CCDC171: variants seen among roughly 807,000 people sequenced by gnomAD.
CCDC171 encodes the protein coiled-coil domain containing 171.
A neutral mutation model predicts 168.2 loss-of-function variants in CCDC171; 177 were observed. The observed-to-expected ratio is 1.05, with a 90% CI of 0.93 to 1.19. The LOEUF (loss-of-function observed/expected upper bound fraction) is 1.19, where lower values mean the gene tolerates loss of function less well. Among genes scored for constraint, CCDC171 ranks in the 50% most tolerant of loss-of-function variants. The probability of loss-of-function intolerance (pLI) is 0.00; values close to 1 mark genes in which losing one functional copy is unlikely to be tolerated. For synonymous variants in CCDC171, 687 were observed against 540.8 expected (o/e 1.27, Z -3.75); for missense variants, 1,991 against 1,539.0 (o/e 1.29, Z -4.91).
At chr9:15,656,993 T>G (rs961986612) in intron 7 of CCDC171, 134 bp from the exon 8 acceptor site, 9 of 456,686 alleles carry the variant, frequency 2.0e-5, no homozygotes, top group Non-Finnish European at 3.6e-5. Context: ...TTACATTCCA[T>G]TCTTGCAAAG....
chr9:16,050,316 A>G (rs529546794), intron 1 of CCDC171, among the ~76,000 whole-genome samples: 1 of 152,388 alleles, frequency 6.6e-6, no homozygotes, highest in African/African-American at 2.4e-5. Context: ...AAAAGCATAA[A>G]TTGCTTAATT....
At chr9:15,857,350 T>G (rs2061383939) in intron 23 of CCDC171, among the ~76,000 whole-genome samples, 1 of 151,988 alleles carries the variant, frequency 6.6e-6, no homozygotes, top group South Asian at 2.1e-4. Context: ...CTAGGAAATT[T>G]ATAGTTGTAA....
chr9:15,613,560 G>C (rs2043862463), intron 6 of CCDC171, among the ~76,000 whole-genome samples: 2 of 136,902 alleles, frequency 1.5e-5, no homozygotes, highest in African/African-American at 2.8e-5. Flanking sequence ...GTCTCGCTCT[G>C]TCGCCAGGCT....
At chr9:15,556,937 C>G (rs549530013) in intron 1 of CCDC171, among the ~76,000 whole-genome samples, 1 of 152,218 alleles carries the variant, frequency 6.6e-6, no homozygotes, top group African/African-American at 2.4e-5. Context: ...AGGAAGGGTT[C>G]CAGTTTCAGC....
chr9:16,094,118 G>A, the CCDC171 span, among the ~76,000 whole-genome samples: 1 of 152,206 alleles, frequency 6.6e-6, no homozygotes, highest in Non-Finnish European at 1.5e-5. Flanking sequence ...AGGACCGTGA[G>A]TAAAGGTAGG....
rs117514978 is a variant in CCDC171, at chr9:15,901,548, T to C, written c.3601-18722T>C. 4.7e-3 allele frequency among the ~76,000 whole-genome samples: 710 copies of C among 152,336 alleles called. 12 individuals are homozygous for C. Among genetic ancestry groups the C allele is most frequent in the East Asian group, 0.037 (193 of 5,188 alleles). Reference sequence around the variant, plus strand: ...AAAAGTAAATATACCATAAAATCTATCTGTGGACATCCTATAATTTTTTTT... The same window carrying C: ...AAAAGTAAATATACCATAAAATCTACCTGTGGACATCCTATAATTTTTTTT... On this transcript the variant is annotated intron_variant, in intron 24 of 25. Transcript: ENST00000380701.
intron 25 of CCDC171, among the ~76,000 whole-genome samples, chr9:15,942,847 T>C (rs1827883060): frequency 1.3e-5 from 2 of 151,882 alleles, no homozygotes. Flanking sequence ...TTTTAAACTA[T>C]GACCAAATGC....
At chr9:15,674,074 T>G (rs1484457880) in intron 9 of CCDC171, among the ~76,000 whole-genome samples, 1 of 152,184 alleles carries the variant, frequency 6.6e-6, no homozygotes, top group Non-Finnish European at 1.5e-5. Context: ...TGGTTTAGTC[T>G]TGGGAGGGTG....
intron 11 of CCDC171, among the ~76,000 whole-genome samples, chr9:15,717,160 G>T (rs1588119886): frequency 6.6e-6 from 1 of 152,312 alleles, no homozygotes; most frequent in Non-Finnish European, 1.5e-5. Flanking sequence ...ATGTGGTGGG[G>T]GGAATCTGTG....
At position 15,723,663 on chromosome 9, in the gene CCDC171, A is replaced by G. The variant is rs879118159; in HGVS notation, c.1426-18A>G. On this transcript the variant is annotated intron_variant, in intron 12 of 25. Coordinates refer to ENST00000380701, the MANE Select transcript of CCDC171 (RefSeq NM_173550.4). The stretch of plus-strand genomic sequence containing the variant: ...TTATATTTTCTTTCATCAGCTAAAC[A>G]GCATGAATGATGTTAAGGAAAAGGC... The G allele has an allele frequency of 3.8e-6, 6 of 1,578,458 alleles. No individual in the cohort carries two copies. Among genetic ancestry groups the G allele is most frequent in the South Asian group, 2.3e-5 (2 of 86,028 alleles).
chr9:15,779,727 C>T (rs942375016), intron 20 of CCDC171, among the ~76,000 whole-genome samples: 3 of 152,016 alleles, frequency 2.0e-5, no homozygotes, highest in Non-Finnish European at 4.4e-5. Context: ...ATTGCTTTTC[C>T]AAAGAAATGT....
At chr9:15,755,339 A>T (rs1261802451) in intron 18 of CCDC171, among the ~76,000 whole-genome samples, 1 of 152,218 alleles carries the variant, frequency 6.6e-6, no homozygotes. Context: ...AATGAAAAGG[A>T]TACAGATGCT....
chr9:15,642,860 A>G (rs1029909929), intron 7 of CCDC171, among the ~76,000 whole-genome samples: 1 of 152,194 alleles, frequency 6.6e-6, no homozygotes, highest in Admixed American at 6.5e-5. Flanking sequence ...TGAAAACTAG[A>G]TCATTAATTA....
At chr9:15,901,527 G>A (rs1255065080) in intron 24 of CCDC171, among the ~76,000 whole-genome samples, 1 of 151,992 alleles carries the variant, frequency 6.6e-6, no homozygotes, top group African/African-American at 2.4e-5. Flanking sequence ...TATTTAAAAA[G>A]TAAATATACC....
intron 2 of CCDC171, 40 bp downstream of exon 2, chr9:15,564,169 T>G (rs368813754): frequency 2.0e-6 from 3 of 1,497,600 alleles, no homozygotes; most frequent in Non-Finnish European, 2.8e-6. Flanking sequence ...TGAACGTTTT[T>G]AGTTGCAAGG....
intron 23 of CCDC171, among the ~76,000 whole-genome samples, chr9:15,862,741 T>C (rs1001986307): frequency 6.6e-6 from 1 of 152,072 alleles, no homozygotes; most frequent in South Asian, 2.1e-4. Context: ...CTCAAACTTC[T>C]GTGTTAGTCC....
At chr9:16,003,807 C>G (rs769379283) in intron 3 of CCDC171, among the ~76,000 whole-genome samples, 60 of 152,210 alleles carry the variant, frequency 3.9e-4, no homozygotes, top group Non-Finnish European at 1.6e-4. Flanking sequence ...CCTACTTTCC[C>G]TTAACTGCAA....
intron 10 of CCDC171, 111 bp from the exon 11 acceptor site, chr9:15,695,124 A>G: frequency 1.4e-6 from 1 of 690,630 alleles, no homozygotes; most frequent in Non-Finnish European, 2.6e-6. Flanking sequence ...TTAATAATAT[A>G]TTTGAATGGA....
chr9:15,992,635 G>T (rs28785896), intron 3 of CCDC171, among the ~76,000 whole-genome samples: 1 of 152,084 alleles, frequency 6.6e-6, no homozygotes. Flanking sequence ...ATTCAACTAC[G>T]AAAAGAGGAA....
Sources: gnomAD v4.1 joint callset for allele counts (sites outside exome capture counted in the v4.1 genomes callset) on GRCh38, gnomAD v4.1.1 for gene constraint, MANE v1.5 for transcripts, NCBI Gene and HGNC (gene_info 2026-07-23, HGNC 2026-07-21) for gene names.